LMCD1: variants seen among roughly 807,000 people sequenced by gnomAD.
LMCD1 encodes the protein LIM and cysteine-rich domains protein 1.
Under a neutral mutation model 42.7 loss-of-function variants are expected in LMCD1, and 32 were observed. That is an observed-to-expected ratio of 0.75 (90% confidence interval 0.57 to 1.01). LMCD1 has a LOEUF of 1.01. Among genes scored for constraint, LMCD1 ranks in the 50% least tolerant of loss-of-function variants. The pLI is 0.00. For synonymous variants in LMCD1, 178 were observed against 184.9 expected, an observed-to-expected ratio of 0.96 and a Z score of 0.30; for missense variants, 458 against 483.1, an observed-to-expected ratio of 0.95 and a Z score of 0.49.
intron 1 of LMCD1, among the ~76,000 whole-genome samples, chr3:8,514,716 T>G (rs1413877626): frequency 6.6e-6 from 1 of 152,224 alleles, no homozygotes; most frequent in Non-Finnish European, 1.5e-5. Flanking sequence ...ATGGGTAATT[T>G]TAAACATGTT....
At chr3:8,564,675 G>T (rs1217167799) in intron 4 of LMCD1, among the ~76,000 whole-genome samples, 1 of 152,198 alleles carries the variant, frequency 6.6e-6, no homozygotes, top group East Asian at 1.9e-4. Flanking sequence ...AAACAAATAT[G>T]AAAGGTTCAC....
intron 3 of LMCD1, among the ~76,000 whole-genome samples, chr3:8,542,317 A>G (rs1328894185): frequency 6.6e-6 from 1 of 152,078 alleles, no homozygotes; most frequent in African/African-American, 2.4e-5. Context: ...TGGAGCTTTG[A>G]GCTGCAAAAG....
chr3:8,527,865 T>G (rs1052101185), intron 1 of LMCD1, among the ~76,000 whole-genome samples: 4 of 152,186 alleles, frequency 2.6e-5, no homozygotes, highest in Admixed American at 1.3e-4. Flanking sequence ...GGAACCCGTA[T>G]GATATTTAGG....
At chr3:8,529,906 A>G (rs1300479085) in intron 1 of LMCD1, among the ~76,000 whole-genome samples, 1 of 152,178 alleles carries the variant, frequency 6.6e-6, no homozygotes, top group Non-Finnish European at 1.5e-5. Context: ...TTCAGGCAGC[A>G]TCCCGTTTAA....
chr3:8,505,475 T>C (rs1693861099), intron 1 of LMCD1, among the ~76,000 whole-genome samples: 1 of 152,162 alleles, frequency 6.6e-6, no homozygotes, highest in Admixed American at 6.5e-5. Context: ...TTATCAGAAG[T>C]TGCAGAGAAA....
chr3:8,537,693 T>C (rs911553482), intron 3 of LMCD1, among the ~76,000 whole-genome samples: 5 of 152,170 alleles, frequency 3.3e-5, no homozygotes, highest in Non-Finnish European at 7.3e-5. Flanking sequence ...GCAGCTCTAG[T>C]ACAGGGGCAT....
At chr3:8,559,260 C>T (rs1359692291) in intron 4 of LMCD1, among the ~76,000 whole-genome samples, 1 of 152,202 alleles carries the variant, frequency 6.6e-6, no homozygotes, top group Non-Finnish European at 1.5e-5. Flanking sequence ...TCCAAACCTG[C>T]CTTCAACATA....
At position 8,572,325 on chromosome 3, in the gene LMCD1, T is replaced by G. The variant is rs957584393; in HGVS notation, c.*4727T>G. The stretch of plus-strand genomic sequence containing the variant: ...AGGATTTTGATTTGTTCCATTACTG[T>G]TGACATGAATTTTGAACATTTGATA... On this transcript the variant is annotated 3_prime_UTR_variant, in exon 6 of 6. Transcript: ENST00000157600. 6.6e-6 allele frequency: 1 copy of G among 152,248 alleles called. No homozygotes were observed. The highest frequency in any genetic ancestry group is 1.5e-5 in the Non-Finnish European group (1 of 68,038). The allele number at this position is 152,248 out of a possible 1,614,324, so 9.4% of individuals were successfully genotyped here. A position where few individuals can be genotyped will look rare whatever the true frequency, so the allele number is the denominator to read the frequency against.
At chr3:8,558,559 A>C (rs1694969237) in intron 4 of LMCD1, among the ~76,000 whole-genome samples, 1 of 152,232 alleles carries the variant, frequency 6.6e-6, no homozygotes, top group Non-Finnish European at 1.5e-5. Flanking sequence ...AGCAAGCTCC[A>C]ATCTTAGATA....
rs1332724763 is a variant in LMCD1, at chr3:8,540,116, C to G, written c.387+2676C>G. ...TGAAGCTGGAAACCATCATTCTGAG[C>G]AAATTATCGCAAGGACAGAAAACCA... On this transcript the variant is annotated intron_variant, in intron 3 of 5. Coordinates refer to ENST00000157600, the MANE Select transcript of LMCD1 (RefSeq NM_014583.4). Among the ~76,000 whole-genome samples, 3 of 152,186 alleles carry G rather than the reference C, an allele frequency of 2.0e-5. No individual in the cohort carries two copies. In the East Asian group the frequency reaches 5.8e-4, roughly 29 times the overall value.
rs367827664 is a variant in LMCD1, at chr3:8,543,023, G to T, written c.388-5545G>T. ...CATGAGCCGAATCAGCCTGGATGGG[G>T]CTGCTTCGGAACTTGGTGTTAGTAA... On this transcript the variant is annotated intron_variant, in intron 3 of 5. Coordinates refer to ENST00000157600, the MANE Select transcript of LMCD1 (RefSeq NM_014583.4). 5.8e-4 allele frequency among the ~76,000 whole-genome samples: 89 copies of T among 152,292 alleles called. 2 individuals carry two copies. In the East Asian group the frequency reaches 0.013, roughly 22 times the overall value.
At chr3:8,514,399 G>C (rs1211749156) in intron 1 of LMCD1, among the ~76,000 whole-genome samples, 1 of 152,184 alleles carries the variant, frequency 6.6e-6, no homozygotes, top group Non-Finnish European at 1.5e-5. Flanking sequence ...GGAACTCACA[G>C]ACATTGCCAG....
intron 4 of LMCD1, among the ~76,000 whole-genome samples, chr3:8,561,934 A>C (rs1285249788): frequency 1.3e-5 from 2 of 152,142 alleles, no homozygotes; most frequent in Non-Finnish European, 2.9e-5. Flanking sequence ...TGGATTGAGA[A>C]TGTCAAGTTC....
rs749164188 is a variant in LMCD1, at chr3:8,501,967, CAG to C, written c.30_31del (p.Gly11SerfsTer2). The C allele has an allele frequency of 6.3e-7, 1 of 1,592,802 alleles. No individual in the cohort carries two copies. The highest frequency in any genetic ancestry group is 1.1e-5 in the South Asian group (1 of 88,254). On this transcript the variant is annotated frameshift_variant, in exon 1 of 6. Transcript: ENST00000157600. LOFTEE classifies it high-confidence loss of function. Reference sequence around the variant, plus strand: ...GCAAAGGTGGCTAAGGACCTCAACCCAGGAGTTAAAAAGGTGAGTGGAAAGCT... The same window carrying C: ...GCAAAGGTGGCTAAGGACCTCAACCCGAGTTAAAAAGGTGAGTGGAAAGCT...
chr3:8,532,826 G>A lies in LMCD1; in HGVS notation c.131+1G>A. The stretch of plus-strand genomic sequence containing the variant: ...CGGGCTTCGAGCCACATTCATGGAG[G>A]TAACAGATTTTGTCAGGAGGGTCCC... On this transcript the variant is annotated splice_donor_variant, in intron 2 of 5. Coordinates refer to ENST00000157600, the MANE Select transcript of LMCD1 (RefSeq NM_014583.4). LOFTEE classifies it high-confidence loss of function. 1 of 1,613,054 alleles carries A rather than the reference G, an allele frequency of 6.2e-7. No individual in the cohort carries two copies. The highest frequency in any genetic ancestry group is 8.5e-7 in the Non-Finnish European group (1 of 1,179,244).
At chr3:8,541,088 C>T (rs1559352449) in intron 3 of LMCD1, among the ~76,000 whole-genome samples, 1 of 152,192 alleles carries the variant, frequency 6.6e-6, no homozygotes, top group Non-Finnish European at 1.5e-5. Context: ...AACAGGGTCT[C>T]CGGATTCCAG....
intron 1 of LMCD1, among the ~76,000 whole-genome samples, chr3:8,506,804 A>T (rs752753554): frequency 1.4e-4 from 21 of 152,174 alleles, no homozygotes; most frequent in Non-Finnish European, 2.2e-4. Flanking sequence ...GTGACTTTGG[A>T]TAGGTCACCT....
chr3:8,508,342 A>G (rs1411044376), intron 1 of LMCD1, among the ~76,000 whole-genome samples: 1 of 152,178 alleles, frequency 6.6e-6, no homozygotes, highest in Non-Finnish European at 1.5e-5. Context: ...CCACCGGGAC[A>G]TGCTTTAAAA....
At chr3:8,543,489 A>G (rs1694675540) in intron 3 of LMCD1, among the ~76,000 whole-genome samples, 1 of 152,216 alleles carries the variant, frequency 6.6e-6, no homozygotes, top group Non-Finnish European at 1.5e-5. Flanking sequence ...ACAGACAGAC[A>G]GACAGATAGA....
Sources: allele counts gnomAD v4.1 joint callset (sites outside exome capture counted in the v4.1 genomes callset), GRCh38; gene constraint gnomAD v4.1.1; transcripts MANE v1.5; gene names NCBI Gene and HGNC (gene_info 2026-07-23, HGNC 2026-07-21).